SLCO3A1: variants seen among roughly 807,000 people sequenced by gnomAD.
SLCO3A1 encodes solute carrier organic anion transporter family member 3A1.
A neutral mutation model predicts 63.1 loss-of-function variants in SLCO3A1; 27 were observed. The observed-to-expected ratio is 0.43, with a 90% CI of 0.32 to 0.59. The LOEUF (loss-of-function observed/expected upper bound fraction) is 0.59, where lower values mean the gene tolerates loss of function less well. Ranked by LOEUF, SLCO3A1 falls within the 20% of genes least tolerant of loss-of-function variation. The probability of loss-of-function intolerance (pLI) is 0.09; values close to 1 mark genes in which losing one functional copy is unlikely to be tolerated. For synonymous variants in SLCO3A1, 473 were observed against 409.9 expected (o/e 1.15, Z -1.86); for missense variants, 773 against 945.8 (o/e 0.82, Z 2.40).
Position 91,886,377 on chromosome 15 carries a change from A to G in SLCO3A1, c.181-29616A>G, listed in dbSNP as rs962113313. On this transcript the variant is annotated intron_variant, in intron 1 of 9. Transcript: ENST00000318445. This position sits in a 1 kb window ranked among gnomAD's most constrained non-coding sequence, Gnocchi z 4.9. ...TCCTTTTAGGCAAGAGCTGCCTCCT[A>G]TGAGCCCCTGGCCCGCTGCACCTAC... Among the ~76,000 whole-genome samples the G allele has an allele frequency of 1.3e-5, 2 of 152,010 alleles. No homozygotes were observed. Among genetic ancestry groups the G allele is most frequent in the Non-Finnish European group, 1.5e-5 (1 of 68,000 alleles).
At chr15:92,115,826 A>AAAAT (rs1204862513) in intron 4 of SLCO3A1, among the ~76,000 whole-genome samples, 1 of 151,056 alleles carries the variant, frequency 6.6e-6, no homozygotes, top group Non-Finnish European at 1.5e-5. Flanking sequence ...AAAAAAAAAA[A>AAAAT]AAAAAAAAAA....
chr15:92,148,247 G>C (rs1292485243), intron 8 of SLCO3A1, among the ~76,000 whole-genome samples: 1 of 152,178 alleles, frequency 6.6e-6, no homozygotes, highest in Non-Finnish European at 1.5e-5. Flanking sequence ...TAATTGGGAT[G>C]CAGTTATCCA....
chr15:92,170,606 G>A (rs2048516070), downstream of SLCO3A1, among the ~76,000 whole-genome samples: 1 of 152,180 alleles, frequency 6.6e-6, no homozygotes, highest in South Asian at 2.1e-4. Flanking sequence ...AGCTTCTTAT[G>A]AAGCCTCTGC....
chr15:91,889,703 A>G (rs1487649104), intron 1 of SLCO3A1, among the ~76,000 whole-genome samples: 4 of 152,382 alleles, frequency 2.6e-5, no homozygotes, highest in Admixed American at 2.0e-4. Context: ...CAGTTTGCCC[A>G]GGCAAATCAA....
chr15:92,162,890 G>T lies in SLCO3A1; in HGVS notation c.1888G>T (p.Ala630Ser), dbSNP rs1350767162. Reference protein sequence around the residue: ...VVYRYLYVSIAIALKSFAFIL... With the variant: ...VVYRYLYVSISIALKSFAFIL... ...CTACCGATACCTGTATGTCAGCATC[G>T]CCATCGCGCTCAAATCCTTCGCCTT... The change falls in exon 10 of 10, where the codon GCC (alanine) becomes TCC (serine). Residue 630 changes from alanine to serine, a missense_variant. This residue lies in a region of SLCO3A1 where 139 missense variants were observed against 131.4 expected (regional missense o/e 1.06). Transcript: ENST00000318445. The T allele has an allele frequency of 6.2e-7, 1 of 1,614,140 alleles. No homozygotes were observed. The highest frequency in any genetic ancestry group is 8.5e-7 in the Non-Finnish European group (1 of 1,180,034).
At chr15:91,966,227 G>A (rs1381708861) in intron 2 of SLCO3A1, among the ~76,000 whole-genome samples, 6 of 152,176 alleles carry the variant, frequency 3.9e-5, no homozygotes, top group Non-Finnish European at 7.3e-5. Flanking sequence ...TAGCTCAGAT[G>A]AGGTCAGGAC....
chr15:91,959,308 G>T (rs1900349921), intron 2 of SLCO3A1, among the ~76,000 whole-genome samples: 1 of 152,036 alleles, frequency 6.6e-6, no homozygotes, highest in Non-Finnish European at 1.5e-5. Context: ...AGGGATAAAA[G>T]ACAACATATT....
At position 92,164,933 on chromosome 15, in the gene SLCO3A1, G is replaced by A; in HGVS notation, c.*1798G>A. On this transcript the variant is annotated 3_prime_UTR_variant, in exon 10 of 10. Transcript: ENST00000318445. ...TGCTGCTTCAGTGACCTTTGTTCAT[G>A]TCACATTCCTGGCGCTGGAAAAAAA... 1.0e-6 allele frequency: 1 copy of A among 984,818 alleles called. No individual in the cohort carries two copies. The highest frequency in any genetic ancestry group is 1.2e-6 in the Non-Finnish European group (1 of 829,850). The allele number at this position is 984,818 out of a possible 1,614,324, so 61.0% of individuals were successfully genotyped here.
intron 2 of SLCO3A1, among the ~76,000 whole-genome samples, chr15:91,994,987 G>T (rs28510828): frequency 0.016 from 2,393 of 152,242 alleles, 68 homozygotes; most frequent in African/African-American, 0.053. Context: ...TTCCCACGTA[G>T]GAAAAATCCT....
chr15:91,909,415 TA>T (rs1481571336), intron 1 of SLCO3A1, among the ~76,000 whole-genome samples: 1 of 152,226 alleles, frequency 6.6e-6, no homozygotes, highest in Non-Finnish European at 1.5e-5. Context: ...ATGGCCTAAA[TA>T]TCTACTGACT....
chr15:92,115,502 A>G (rs574444051), intron 4 of SLCO3A1, among the ~76,000 whole-genome samples: 15 of 152,110 alleles, frequency 9.9e-5, no homozygotes, highest in Non-Finnish European at 1.8e-4. Context: ...AATTATTATT[A>G]TTCTTACTGA....
intron 2 of SLCO3A1, among the ~76,000 whole-genome samples, chr15:91,938,123 A>G (rs1386856419): frequency 6.6e-6 from 1 of 152,172 alleles, no homozygotes; most frequent in African/African-American, 2.4e-5. Context: ...TTTGGAGATG[A>G]ATTCAAATGC....
rs1179912403 is a variant in SLCO3A1 at position 92,132,630 on chromosome 15, A to AC, written c.1512+4141_1512+4142insC. Among the ~76,000 whole-genome samples, 7 of 144,156 alleles carry AC rather than the reference A, an allele frequency of 4.9e-5. 2 individuals carry two copies. Among genetic ancestry groups the AC allele is most frequent in the African/African-American group, 7.5e-5 (3 of 39,852 alleles). 94.6% of individuals were successfully genotyped at this position (144,156 alleles called of 152,430 possible). A position where few individuals can be genotyped will look rare whatever the true frequency, so the allele number is the denominator to read the frequency against. The stretch of plus-strand genomic sequence containing the variant: ...TAAATAATTGAATAGAAAAAAAAAA[A>AC]AACTTCCATCAGCCACCAATAGAAT... On this transcript the variant is annotated intron_variant, in intron 7 of 9. Transcript: ENST00000318445.
At chr15:92,014,709 G>C (rs374602909) in intron 2 of SLCO3A1, among the ~76,000 whole-genome samples, 15 of 152,102 alleles carry the variant, frequency 9.9e-5, no homozygotes, top group African/African-American at 3.4e-4. Flanking sequence ...TAGTCTGCCA[G>C]GCTATATGGT....
At chr15:91,971,718 A>G (rs1478717107) in intron 2 of SLCO3A1, among the ~76,000 whole-genome samples, 1 of 152,172 alleles carries the variant, frequency 6.6e-6, no homozygotes, top group Non-Finnish European at 1.5e-5. Flanking sequence ...AAACAGAAAC[A>G]CACTTAACAC....
At chr15:92,106,973 T>C (rs2047674935) in intron 4 of SLCO3A1, among the ~76,000 whole-genome samples, 1 of 152,194 alleles carries the variant, frequency 6.6e-6, no homozygotes, top group African/African-American at 2.4e-5. Context: ...TACTCGGTGC[T>C]AAGCACAGCC....
At chr15:92,170,351 G>A (rs974811275), downstream of SLCO3A1, among the ~76,000 whole-genome samples, 5 of 152,148 alleles carry the variant, frequency 3.3e-5, no homozygotes, top group Non-Finnish European at 7.4e-5. Context: ...TGCTACCCAC[G>A]TGCCGGGTTC....
chr15:92,150,647 A>ATGTC (rs2048292876), intron 8 of SLCO3A1, among the ~76,000 whole-genome samples: 1 of 152,068 alleles, frequency 6.6e-6, no homozygotes, highest in South Asian at 2.1e-4. Context: ...CAAAACCAAC[A>ATGTC]TGTCTTTAAA....
At chr15:91,932,315 GT>G (rs1192580480) in intron 2 of SLCO3A1, among the ~76,000 whole-genome samples, 1 of 152,130 alleles carries the variant, frequency 6.6e-6, no homozygotes, top group Non-Finnish European at 1.5e-5. Context: ...AAAAAGGATG[GT>G]TGAATGAATC....
Sources: allele counts gnomAD v4.1 joint callset (sites outside exome capture counted in the v4.1 genomes callset), GRCh38; gene constraint gnomAD v4.1.1; regional missense constraint gnomAD v4.1.1; non-coding constraint Gnocchi (gnomAD v3.1); transcripts MANE v1.5; gene names NCBI Gene and HGNC (gene_info 2026-07-23, HGNC 2026-07-21).